The following ATXN1 variants were observed in gnomAD, a reference collection of about 807,000 sequenced individuals.
ATXN1 encodes the protein ataxin 1, also known as ataxin-1.
In ATXN1, 8 loss-of-function variants were observed where a neutral mutation model predicts 56.4. The observed-to-expected ratio is 0.14, with a 90% confidence interval of 0.08 to 0.26. The LOEUF (loss-of-function observed/expected upper bound fraction) is 0.26. Ranked by LOEUF, ATXN1 falls within the 10% of genes least tolerant of loss-of-function variation. The probability of loss-of-function intolerance (pLI) is 1.00; values close to 1 mark genes in which losing one functional copy is unlikely to be tolerated. For synonymous variants in ATXN1, 514 were observed against 494.6 expected (o/e 1.04, Z -0.52); for missense variants, 987 against 1,106.5 (o/e 0.89, Z 1.53).
intron 4 of ATXN1, among the ~76,000 whole-genome samples, chr6:16,542,793 T>C (rs1014267338): frequency 6.6e-6 from 1 of 152,154 alleles, no homozygotes; most frequent in Non-Finnish European, 1.5e-5. Flanking sequence ...TATACACCCA[T>C]GATAGAGTTT....
In ATXN1 at chr6:16,300,086, TC is replaced by T. The variant is rs960583416; in HGVS notation, c.*6242del. 5.9e-5 allele frequency: 9 copies of T among 152,558 alleles called. No homozygotes were observed. The highest frequency in any genetic ancestry group is 1.5e-5 in the Non-Finnish European group (1 of 68,040). The allele number at this position is 152,558 out of a possible 1,614,324, so 9.5% of individuals were successfully genotyped here. A position where few individuals can be genotyped will look rare whatever the true frequency, so the allele number is the denominator to read the frequency against. Reference sequence around the variant, plus strand: ...GGTAAGGATTACTGTAAACAACACTTCCAACGAAGGCCTTCAGATTGGCCAC... The same window carrying T: ...GGTAAGGATTACTGTAAACAACACTTCAACGAAGGCCTTCAGATTGGCCAC... On this transcript the variant is annotated 3_prime_UTR_variant, in exon 8 of 8. Transcript: ENST00000436367.
intron 6 of ATXN1, among the ~76,000 whole-genome samples, chr6:16,431,559 AT>A (rs757684046): frequency 2.6e-5 from 4 of 152,226 alleles, no homozygotes; most frequent in Non-Finnish European, 5.9e-5. Flanking sequence ...AAACTCGAGT[AT>A]AATTTTGAAA....
chr6:16,421,473 A>G lies in ATXN1; in HGVS notation c.-161+64499T>C, dbSNP rs113365631. ...GAGATTAGGAGACAGAAAGCATGGA[A>G]AGGTCCTCAGACCTTTTAGGTTTGG... On this transcript the variant is annotated intron_variant, in intron 6 of 7. Coordinates refer to ENST00000436367, the MANE Select transcript of ATXN1 (RefSeq NM_001128164.2). Among the ~76,000 whole-genome samples, 11 of 152,296 alleles carry G rather than the reference A, an allele frequency of 7.2e-5. 1 individual carries two copies. The highest frequency in any genetic ancestry group is 2.6e-4 in the African/African-American group (11 of 41,544).
chr6:16,523,195 C>T (rs1761327448), intron 4 of ATXN1, among the ~76,000 whole-genome samples: 5 of 152,164 alleles, frequency 3.3e-5, no homozygotes, highest in Admixed American at 3.3e-4. Context: ...AGCCATCGTA[C>T]CCAGCCGTGT....
intron 1 of ATXN1, among the ~76,000 whole-genome samples, chr6:16,759,205 C>G (rs1760981679): frequency 6.6e-6 from 1 of 152,252 alleles, no homozygotes; most frequent in African/African-American, 2.4e-5. Flanking sequence ...AAACAGCCTG[C>G]ATTATAAAAC....
intron 6 of ATXN1, among the ~76,000 whole-genome samples, chr6:16,398,360 A>G (rs1160323049): frequency 6.6e-6 from 1 of 152,214 alleles, no homozygotes; most frequent in Non-Finnish European, 1.5e-5. Context: ...AGTTATTCAA[A>G]CCCAAAGAGA....
chr6:16,323,973 G>C (rs1760745278), intron 7 of ATXN1, among the ~76,000 whole-genome samples: 1 of 151,286 alleles, frequency 6.6e-6, no homozygotes, highest in African/African-American at 2.4e-5. Context: ...ATCTTTCTTG[G>C]GCCCTTCCAA....
At chr6:16,544,105 G>T (rs1359908293) in intron 4 of ATXN1, among the ~76,000 whole-genome samples, 1 of 152,170 alleles carries the variant, frequency 6.6e-6, no homozygotes, top group African/African-American at 2.4e-5. Flanking sequence ...TTCCTAATCA[G>T]TAAAACAAGG....
intron 2 of ATXN1, among the ~76,000 whole-genome samples, chr6:16,677,468 T>C (rs375531072): frequency 7.9e-5 from 12 of 152,232 alleles, no homozygotes; most frequent in African/African-American, 2.4e-4. Context: ...GAATTTTCTC[T>C]CTGTGTCCTC....
At chr6:16,731,265 T>C (rs1460593964) in intron 2 of ATXN1, among the ~76,000 whole-genome samples, 1 of 151,862 alleles carries the variant, frequency 6.6e-6, no homozygotes, top group African/African-American at 2.4e-5. Flanking sequence ...CGTTCTAAGA[T>C]AAGACCCGTA....
At chr6:16,344,755 C>G (rs1044918578) in intron 6 of ATXN1, among the ~76,000 whole-genome samples, 1 of 152,152 alleles carries the variant, frequency 6.6e-6, no homozygotes, top group Non-Finnish European at 1.5e-5. Flanking sequence ...TAGGACTTGA[C>G]CTTTTGATCA....
intron 6 of ATXN1, among the ~76,000 whole-genome samples, chr6:16,450,513 G>T (rs1759732761): frequency 6.6e-6 from 1 of 152,186 alleles, no homozygotes; most frequent in Non-Finnish European, 1.5e-5. Context: ...GAGGGCAGGG[G>T]CTTATTACTC....
At chr6:16,554,683 A>C (rs1312451838) in intron 4 of ATXN1, among the ~76,000 whole-genome samples, 1 of 151,336 alleles carries the variant, frequency 6.6e-6, no homozygotes, top group East Asian at 1.9e-4. Flanking sequence ...CGAACTCCTG[A>C]CCTCAGGTGA....
chr6:16,552,439 C>G (rs1761938131), intron 4 of ATXN1, among the ~76,000 whole-genome samples: 1 of 152,180 alleles, frequency 6.6e-6, no homozygotes, highest in Non-Finnish European at 1.5e-5. Context: ...AAATATTGTG[C>G]ACAACGTTAC....
At chr6:16,720,380 C>A (rs1015972877) in intron 2 of ATXN1, among the ~76,000 whole-genome samples, 1 of 152,224 alleles carries the variant, frequency 6.6e-6, no homozygotes, top group Admixed American at 6.5e-5. Flanking sequence ...CATAAGCTCT[C>A]TGAGGGCAGG....
intron 5 of ATXN1, among the ~76,000 whole-genome samples, chr6:16,516,268 A>G (rs1761181195): frequency 6.6e-6 from 1 of 152,208 alleles, no homozygotes; most frequent in Admixed American, 6.5e-5. Context: ...CAACACCATC[A>G]GGAGCAAGTC....
At chr6:16,626,039 G>A (rs571460662) in intron 3 of ATXN1, among the ~76,000 whole-genome samples, 1 of 152,206 alleles carries the variant, frequency 6.6e-6, no homozygotes, top group South Asian at 2.1e-4. Flanking sequence ...CTTTTTAAAT[G>A]TCTGCCTTTC....
chr6:16,617,104 C>T (rs916938576), intron 3 of ATXN1, among the ~76,000 whole-genome samples: 6 of 152,042 alleles, frequency 3.9e-5, no homozygotes, highest in African/African-American at 1.4e-4. Context: ...ATGGAACATG[C>T]CCCCAGTTGA....
intron 6 of ATXN1, among the ~76,000 whole-genome samples, chr6:16,469,090 C>T (rs1319590150): frequency 6.6e-6 from 1 of 152,148 alleles, no homozygotes; most frequent in Non-Finnish European, 1.5e-5. Flanking sequence ...AATGCACTTA[C>T]ACCGTGGGCA....
Sources: allele counts gnomAD v4.1 joint callset (sites outside exome capture counted in the v4.1 genomes callset), GRCh38; gene constraint gnomAD v4.1.1; transcripts MANE v1.5; gene names NCBI Gene and HGNC (gene_info 2026-07-23, HGNC 2026-07-21).